Variants in ATP1A2 observed in about 807,000 individuals in gnomAD.
ATP1A2 encodes the protein ATPase Na+/K+ transporting subunit alpha 2.
Under a neutral mutation model 113.1 loss-of-function variants are expected in ATP1A2, and 56 were observed. The ratio of observed to expected loss-of-function variants is 0.49; its 90% CI spans 0.40 to 0.62. The LOEUF (loss-of-function observed/expected upper bound fraction) is 0.62. ATP1A2 is among the 20% of genes least tolerant of loss of function. The pLI, the probability that ATP1A2 is intolerant of heterozygous loss-of-function variation, is 0.00. For missense variants in ATP1A2, 712 were observed against 1,357.8 expected (o/e 0.52, Z 7.47); for synonymous variants, 490 against 526.8 (o/e 0.93, Z 0.96).
chr1:160,140,576 C>T (rs987344038), intron 22 of ATP1A2: 7 of 167,482 alleles, frequency 4.2e-5, no homozygotes, highest in South Asian at 1.5e-4. Context: ...GGGTCTTTCA[C>T]ATAAAATCTG....
rs1307989572 is a variant in ATP1A2 at position 160,140,002 on chromosome 1, C to T, written c.3034+18C>T. ...TCCTGGTGGTAAGCCCCTCCACATT[C>T]CCCCCAGCAAAGTGCAAGCCCCACC... On this transcript the variant is annotated intron_variant, in intron 22 of 22. Coordinates refer to ENST00000361216, the MANE Select transcript of ATP1A2 (RefSeq NM_000702.4). The T allele has an allele frequency of 3.1e-6, 5 of 1,609,986 alleles. No homozygotes were observed. The highest frequency in any genetic ancestry group is 1.1e-5 in the South Asian group (1 of 91,012).
chr1:160,120,683 C>A (rs1651364680), intron 1 of ATP1A2, among the ~76,000 whole-genome samples: 1 of 152,188 alleles, frequency 6.6e-6, no homozygotes. Flanking sequence ...CAGTCCTGAG[C>A]CCCTCACCCT....
At position 160,125,810 on chromosome 1, in the gene ATP1A2, T is replaced by C. The variant is rs533710858; in HGVS notation, c.748+557T>C. On this transcript the variant is annotated intron_variant, in intron 7 of 22. Coordinates refer to ENST00000361216, the MANE Select transcript of ATP1A2 (RefSeq NM_000702.4). ...TGCACAGACTACCCAGTTTGCCCCA[T>C]CCCTGTTCTGGGTTCTAGAGATAAA... Among the ~76,000 whole-genome samples, 9 of 152,292 alleles carry C rather than the reference T, an allele frequency of 5.9e-5. No individual in the cohort carries two copies. The South Asian group carries it at 1.9e-3, about 32-fold the overall frequency.
rs372451075 is a variant in ATP1A2, at chr1:160,139,818, C to G, written c.2943-75C>G. The stretch of plus-strand genomic sequence containing the variant: ...CCCTCCAGGATCCAAGTTCTGATCG[C>G]TTTGAATGCTCCTTTATGTGACAGC... On this transcript the variant is annotated intron_variant, in intron 21 of 22. Transcript: ENST00000361216. The G allele has an allele frequency of 5.9e-4, 958 of 1,610,700 alleles. 5 individuals are homozygous for G. The African/African-American group carries it at 0.01, about 17-fold the overall frequency.
At chr1:160,131,583 G>C (rs150826971) in intron 13 of ATP1A2, among the ~76,000 whole-genome samples, 30 of 152,256 alleles carry the variant, frequency 2.0e-4, no homozygotes, top group East Asian at 1.7e-3. Context: ...CAGCACTTTG[G>C]GGGGGTCCAA....
At position 160,135,710 on chromosome 1, in the gene ATP1A2, C is replaced by T; in HGVS notation, c.2284+108C>T. 6.2e-7 allele frequency: 1 copy of T among 1,610,038 alleles called. No individual in the cohort carries two copies. Among genetic ancestry groups the T allele is most frequent in the Admixed American group, 1.7e-5 (1 of 59,926 alleles). ...GAATCATTCCACAACTCTAGGCAGC[C>T]CAGCCCACTTTAGCTTCCCTTGAAC... On this transcript the variant is annotated intron_variant, in intron 16 of 22. Transcript: ENST00000361216. This position sits in a 1 kb window ranked among gnomAD's most constrained non-coding sequence, Gnocchi z 6.3.
intron 19 of ATP1A2, 32 bp from the exon 20 acceptor site, chr1:160,136,869 C>A: frequency 6.2e-7 from 1 of 1,614,246 alleles, no homozygotes; most frequent in Non-Finnish European, 8.5e-7. Context: ...TCCTCCGACA[C>A]TCTCATCTGT....
chr1:160,122,404 A>AAATG (rs1332656571), intron 3 of ATP1A2, among the ~76,000 whole-genome samples: 8 of 145,716 alleles, frequency 5.5e-5, no homozygotes, highest in African/African-American at 2.0e-4. Flanking sequence ...TACATTTATT[A>AAATG]AATGAATGAA....
chr1:160,134,615 C>A lies in ATP1A2; in HGVS notation c.1959C>A (p.Asn653Lys), dbSNP rs768301089. Residue 653 changes from asparagine to lysine, a missense_variant, in exon 14 of 23, where the codon AAC becomes AAA. By Grantham distance (94) the Asn-to-Lys change is moderately conservative. Around this residue, in one of 6 missense-constraint regions of ATP1A2, gnomAD observed 263 missense variants for 380.6 expected, o/e 0.69. Transcript: ENST00000361216. The stretch of plus-strand genomic sequence containing the variant: ...TCAACATTCCCATGAGTCAAGTCAA[C>A]CCCAGGTGAGGCCTCTGCAGGAAGC... ...ARLNIPMSQVNPREAKACVVH... is the reference protein window; with the variant it reads ...ARLNIPMSQVKPREAKACVVH... 2 of 1,614,084 alleles carry A rather than the reference C, an allele frequency of 1.2e-6. No individual in the cohort carries two copies. The highest frequency in any genetic ancestry group is 1.7e-5 in the Admixed American group (1 of 60,008).
rs537562042 is a variant in ATP1A2 at position 160,123,883 on chromosome 1, C to T, written c.382-60C>T. ...GGCACTGCCTGCTCATCCCAAGTGG[C>T]AGCTGCCCCTTTAGGGTTGGGGGGA... is the stretch of plus-strand genomic sequence containing the variant. On this transcript the variant is annotated intron_variant, in intron 4 of 22. Coordinates refer to ENST00000361216, the MANE Select transcript of ATP1A2 (RefSeq NM_000702.4). 23 of 1,494,894 alleles carry T rather than the reference C, an allele frequency of 1.5e-5. No homozygotes were observed. The East Asian group carries it at 5.0e-4, about 32-fold the overall frequency. The allele number at this position is 1,494,894 out of a possible 1,614,324, so 92.6% of individuals were successfully genotyped here. A position where few individuals can be genotyped will look rare whatever the true frequency, so the allele number is the denominator to read the frequency against.
At chr1:160,128,907 G>A (rs576516174) in intron 9 of ATP1A2, 57 bp downstream of exon 9, 194 of 1,607,740 alleles carry the variant, frequency 1.2e-4, no homozygotes, top group East Asian at 3.6e-4. Context: ...GGGCAGTGGC[G>A]TGGTGGGGTG....
chr1:160,132,210 C>T (rs951805860), intron 13 of ATP1A2, among the ~76,000 whole-genome samples: 2 of 152,004 alleles, frequency 1.3e-5, no homozygotes, highest in Non-Finnish European at 2.9e-5. Flanking sequence ...CTGTACGGAG[C>T]GTGTGTAGGG....
Position 160,141,536 on chromosome 1 carries a change from G to C in ATP1A2, c.*214G>C, listed in dbSNP as rs960230899. The C allele has an allele frequency of 1.1e-5, 7 of 640,148 alleles. No individual in the cohort carries two copies. The highest frequency in any genetic ancestry group is 1.1e-5 in the Non-Finnish European group (4 of 352,740). 39.7% of individuals were successfully genotyped at this position (640,148 alleles called of 1,614,324 possible). ...TGAACAATCAGATTAGACACTATGTGTTAGAGTCCCCCCGACCAGATCCTT... is the reference window on the plus strand; with the variant it reads ...TGAACAATCAGATTAGACACTATGTCTTAGAGTCCCCCCGACCAGATCCTT... On this transcript the variant is annotated 3_prime_UTR_variant, in exon 23 of 23. Transcript: ENST00000361216.
chr1:160,140,036 C>T (rs1462175901), intron 22 of ATP1A2, 52 bp downstream of exon 22: 3 of 1,565,242 alleles, frequency 1.9e-6, no homozygotes, highest in Non-Finnish European at 2.6e-6. Context: ...CCACCAGCTC[C>T]TCCCTCCAGG....
chr1:160,140,071 T>G, intron 22 of ATP1A2, 87 bp downstream of exon 22: 1 of 1,325,182 alleles, frequency 7.5e-7, no homozygotes, highest in Non-Finnish European at 1.1e-6. Context: ...CCACTCCCAC[T>G]ACTGGTTCCT....
chr1:160,140,682 G>A (rs1255590248), intron 22 of ATP1A2: 5 of 165,252 alleles, frequency 3.0e-5, no homozygotes, highest in South Asian at 1.6e-4. Flanking sequence ...ACTCTCGTTC[G>A]TCACCTGAAG....
intron 1 of ATP1A2, among the ~76,000 whole-genome samples, chr1:160,119,783 G>T (rs1651321288): frequency 6.6e-6 from 1 of 150,770 alleles, no homozygotes; most frequent in Admixed American, 6.6e-5. Flanking sequence ...AGGCCAAGGT[G>T]GGAGGATCAC....
chr1:160,124,501 A>G (rs1282809651), intron 6 of ATP1A2, 71 bp downstream of exon 6: 1 of 1,553,624 alleles, frequency 6.4e-7, no homozygotes, highest in Admixed American at 1.9e-5. Flanking sequence ...AGAGGGGCCC[A>G]GTGAGGTTTA....
At chr1:160,122,769 C>CTA (rs1051025802) in intron 3 of ATP1A2, among the ~76,000 whole-genome samples, 2 of 152,064 alleles carry the variant, frequency 1.3e-5, no homozygotes, top group African/African-American at 4.8e-5. Context: ...ATGCAGTGAG[C>CTA]TATAATTGCA....
Sources: allele counts gnomAD v4.1 joint callset (sites outside exome capture counted in the v4.1 genomes callset), GRCh38; gene constraint gnomAD v4.1.1; regional missense constraint gnomAD v4.1.1; non-coding constraint Gnocchi (gnomAD v3.1); transcripts MANE v1.5; gene names NCBI Gene and HGNC (gene_info 2026-07-23, HGNC 2026-07-21).